The following DTX1 variants were observed in gnomAD, a reference collection of about 807,000 sequenced individuals.
The protein encoded by DTX1 is E3 ubiquitin-protein ligase DTX1.
Under a neutral mutation model 57.8 loss-of-function variants are expected in DTX1, and 26 were observed. That is an observed-to-expected ratio of 0.45 (90% CI 0.33 to 0.62). DTX1 has a LOEUF of 0.62. Ranked by LOEUF, DTX1 falls within the 20% of genes least tolerant of loss-of-function variation. The pLI is 0.02. For missense variants in DTX1, 704 were observed against 895.3 expected, an observed-to-expected ratio of 0.79 and a Z score of 2.73; for synonymous variants, 398 against 394.1, an observed-to-expected ratio of 1.01 and a Z score of -0.12.
chr12:113,074,685 C>G (rs560754333), intron 2 of DTX1, among the ~76,000 whole-genome samples: 5 of 152,312 alleles, frequency 3.3e-5, no homozygotes, highest in African/African-American at 1.2e-4. Context: ...AAATGGATTA[C>G]AGAGGCCAGT....
At chr12:113,066,425 G>A (rs919174527) in intron 2 of DTX1, among the ~76,000 whole-genome samples, 3 of 152,062 alleles carry the variant, frequency 2.0e-5, no homozygotes, top group Non-Finnish European at 4.4e-5. Flanking sequence ...CTACTCGGGA[G>A]GCCAAGGCAG....
Position 113,093,490 on chromosome 12 carries a change from T to C in DTX1, c.1004-49T>C, listed in dbSNP as rs1625170. 1,216,853 of 1,488,484 alleles carry C rather than the reference T, an allele frequency of 0.82. 496,655 individuals carry two copies. The highest frequency in any genetic ancestry group is 0.92 in the African/African-American group (65,534 of 71,194). The allele number at this position is 1,488,484 out of a possible 1,614,324, so 92.2% of individuals were successfully genotyped here. On this transcript the variant is annotated intron_variant, in intron 4 of 9. Coordinates refer to ENST00000548759, the MANE Select transcript of DTX1 (RefSeq NM_004416.3). The surrounding 1 kb of genome is among the most constrained non-coding windows in gnomAD (Gnocchi z 4.2). Reference sequence around the variant, plus strand: ...ATTCCCAGGGCCAGTGGTCGGGGGTTTGGGCGGGGATGGCGCCCCGCCCTG... The same window carrying C: ...ATTCCCAGGGCCAGTGGTCGGGGGTCTGGGCGGGGATGGCGCCCCGCCCTG...
rs753191974 is a variant in DTX1 at position 113,094,908 on chromosome 12, C to T, written c.1347C>T (p.His449=). The change falls in exon 7 of 10, where the codon CAC becomes CAT. Residue 449 remains histidine, a synonymous_variant. Transcript: ENST00000548759. Reference sequence around the variant, plus strand: ...TGGGCCGCTGTGGCCACATGTACCACCTGCTGTGCCTCGTGGCCATGTACT... The same window carrying T: ...TGGGCCGCTGTGGCCACATGTACCATCTGCTGTGCCTCGTGGCCATGTACT... ...GRLGRCGHMY[H]LLCLVAMYSN... is the part of the protein sequence containing the mutation. 3 of 1,613,706 alleles carry T rather than the reference C, an allele frequency of 1.9e-6. No homozygotes were observed. The highest frequency in any genetic ancestry group is 2.5e-6 in the Non-Finnish European group (3 of 1,179,960).
At chr12:113,075,153 T>C (rs973058368) in intron 2 of DTX1, among the ~76,000 whole-genome samples, 4 of 152,236 alleles carry the variant, frequency 2.6e-5, no homozygotes, top group African/African-American at 7.2e-5. Flanking sequence ...AGCAGTCTTC[T>C]ATTGCATGTC....
chr12:113,094,724 G>T lies in DTX1; in HGVS notation c.1228-65G>T, dbSNP rs999649425. On this transcript the variant is annotated intron_variant, in intron 6 of 9. Transcript: ENST00000548759. ...GCTGCCTATGGTGACCCACCAAGGG[G>T]CAGTGCTGACCCAGTAGGTGCCCTG... 15 of 1,560,174 alleles carry T rather than the reference G, an allele frequency of 9.6e-6. No homozygotes were observed. The East Asian group carries it at 3.5e-4, about 36-fold the overall frequency.
At chr12:113,096,439 C>CAAA (rs56194115) in intron 9 of DTX1, among the ~76,000 whole-genome samples, 21 of 92,694 alleles carry the variant, frequency 2.3e-4, no homozygotes, top group East Asian at 1.3e-3. Context: ...GACTCTGCCT[C>CAAA]AAAAAAAAAA....
At chr12:113,075,638 A>G (rs780285696) in intron 2 of DTX1, among the ~76,000 whole-genome samples, 6 of 152,226 alleles carry the variant, frequency 3.9e-5, no homozygotes, top group Non-Finnish European at 8.8e-5. Flanking sequence ...TTTGGCAAAC[A>G]TGAAGCTGTG....
Position 113,058,189 on chromosome 12 carries a change from G to A in DTX1, c.-4G>A, listed in dbSNP as rs554697354. On this transcript the variant is annotated 5_prime_UTR_variant, in exon 2 of 10. Coordinates refer to ENST00000548759, the MANE Select transcript of DTX1 (RefSeq NM_004416.3). Reference sequence around the variant, plus strand: ...GGGACCTGGCCCCTGAGGCAGTGGCGGCCATGTCACGGCCAGGCCACGGTG... The same window carrying A: ...GGGACCTGGCCCCTGAGGCAGTGGCAGCCATGTCACGGCCAGGCCACGGTG... The A allele has an allele frequency of 1.9e-6, 3 of 1,596,184 alleles. No homozygotes were observed. The highest frequency in any genetic ancestry group is 1.1e-5 in the South Asian group (1 of 89,818).
At chr12:113,087,135 C>T (rs937058954) in intron 3 of DTX1, among the ~76,000 whole-genome samples, 1 of 148,970 alleles carries the variant, frequency 6.7e-6, no homozygotes, top group Non-Finnish European at 1.5e-5. Context: ...TGAAGAGTGA[C>T]CCCCGCAGCC....
At position 113,058,065 on chromosome 12, in the gene DTX1, A is replaced by T; in HGVS notation, c.-128A>T. On this transcript the variant is annotated 5_prime_UTR_variant, in exon 2 of 10. Transcript: ENST00000548759. ...TCTCTAGGCCTCAGAGAGAACCCAG[A>T]GTTAGAAAGGAGGCCAGACGGTCCT... 12 of 1,402,254 alleles carry T rather than the reference A, an allele frequency of 8.6e-6. No individual in the cohort carries two copies. The highest frequency in any genetic ancestry group is 1.0e-5 in the Non-Finnish European group (11 of 1,068,306). The allele number at this position is 1,402,254 out of a possible 1,614,324, so 86.9% of individuals were successfully genotyped here.
At position 113,096,742 on chromosome 12, in the gene DTX1, G is replaced by A. The variant is rs1950301421; in HGVS notation, c.1666G>A (p.Glu556Lys). 1 of 1,613,358 alleles carries A rather than the reference G, an allele frequency of 6.2e-7. No individual in the cohort carries two copies. The change falls in exon 10 of 10, where the codon GAG becomes AAG. Residue 556 changes from glutamate to lysine, a missense_variant. By Grantham distance (56) the Glu-to-Lys change is moderately conservative. This residue lies in a region of DTX1 where 168 missense variants were observed against 255.6 expected (regional missense o/e 0.66). Coordinates refer to ENST00000548759, the MANE Select transcript of DTX1 (RefSeq NM_004416.3). ...GCTGCGGCTGCTCATCACGGCCTGG[G>A]AGAGAAGACTCATCTTCACTATCGG... ...KVLRLLITAWERRLIFTIGTS... is the reference protein window; with the variant it reads ...KVLRLLITAWKRRLIFTIGTS...
chr12:113,073,576 C>T (rs746293156), intron 2 of DTX1, among the ~76,000 whole-genome samples: 2 of 152,164 alleles, frequency 1.3e-5, no homozygotes, highest in Non-Finnish European at 2.9e-5. Context: ...GCCATAGCTC[C>T]GTGCCTCGAT....
At chr12:113,066,177 G>A (rs1198392829) in intron 2 of DTX1, among the ~76,000 whole-genome samples, 1 of 152,212 alleles carries the variant, frequency 6.6e-6, no homozygotes, top group African/African-American at 2.4e-5. Context: ...CTACCTCGGG[G>A]AATGCTGTTG....
In DTX1 at chr12:113,093,123, GC is replaced by G. The variant is rs756192889; in HGVS notation, c.942-38del. On this transcript the variant is annotated intron_variant, in intron 3 of 9. Transcript: ENST00000548759. This position sits in a 1 kb window ranked among gnomAD's most constrained non-coding sequence, Gnocchi z 4.2. Reference sequence around the variant, plus strand: ...CAGGTCCCCTGACGTCGCTTCGGGGGCTGGAGTCCAGCTGCGGCCTCTTCTC... The same window carrying G: ...CAGGTCCCCTGACGTCGCTTCGGGGGTGGAGTCCAGCTGCGGCCTCTTCTC... 2 of 1,563,030 alleles carry G rather than the reference GC, an allele frequency of 1.3e-6. No homozygotes were observed. The highest frequency in any genetic ancestry group is 8.7e-7 in the Non-Finnish European group (1 of 1,153,452).
chr12:113,068,218 G>C (rs2044717142), intron 2 of DTX1, among the ~76,000 whole-genome samples: 2 of 152,132 alleles, frequency 1.3e-5, no homozygotes, highest in Non-Finnish European at 2.9e-5. Flanking sequence ...CCAACATTTT[G>C]CAAGGACCTA....
At chr12:113,078,199 T>G in intron 3 of DTX1, 94 bp downstream of exon 3, 6 of 961,306 alleles carry the variant, frequency 6.2e-6, no homozygotes, top group Non-Finnish European at 7.8e-6. Context: ...GAGCAAAGAT[T>G]ACAATAATAA....
At chr12:113,073,667 C>T (rs772480005) in intron 2 of DTX1, among the ~76,000 whole-genome samples, 12 of 152,206 alleles carry the variant, frequency 7.9e-5, no homozygotes, top group Non-Finnish European at 1.8e-4. Flanking sequence ...GAGGAGAGGG[C>T]AGAGGACAAG....
chr12:113,095,135 C>T lies in DTX1; in HGVS notation c.1480C>T (p.His494Tyr), dbSNP rs755003776. The T allele has an allele frequency of 6.2e-7, 1 of 1,613,680 alleles. No homozygotes were observed. The highest frequency in any genetic ancestry group is 1.3e-5 in the African/African-American group (1 of 75,022). Residue 494 changes from histidine (H) to tyrosine (Y), a missense_variant, in exon 8 of 10, where the codon CAC (histidine) becomes TAC (tyrosine). Physicochemically the swap from His to Tyr is moderately conservative, Grantham distance 83 (BLOSUM62 2). Transcript: ENST00000548759. ...PGKMEFHLIP[H>Y]SLPGFPDTQT... ...GAAGATGGAGTTCCACCTCATCCCC[C>T]ACTCGCTGCCCGGCTTCCCTGATAC...
At chr12:113,080,020 G>A (rs909635895) in intron 3 of DTX1, among the ~76,000 whole-genome samples, 21 of 152,148 alleles carry the variant, frequency 1.4e-4, no homozygotes, top group African/African-American at 4.3e-4. Flanking sequence ...AGCCATGGCC[G>A]TTAGGACTAC....
Sources: allele counts gnomAD v4.1 joint callset (sites outside exome capture counted in the v4.1 genomes callset), GRCh38; gene constraint gnomAD v4.1.1; regional missense constraint gnomAD v4.1.1; non-coding constraint Gnocchi (gnomAD v3.1); transcripts MANE v1.5; gene names NCBI Gene and HGNC (gene_info 2026-07-23, HGNC 2026-07-21).